The following SPATA31D3 variants were observed in gnomAD, a reference collection of about 807,000 sequenced individuals.
SPATA31D3 encodes SPATA31 subfamily D member 3, also known as spermatogenesis-associated protein 31D3.
For missense variants in SPATA31D3, 91 were observed against 297.9 expected (o/e 0.31, Z 5.11); for synonymous variants, 27 against 107.8 (o/e 0.25, Z 4.65).
Position 81,949,523 on chromosome 9 carries a change from T to A in SPATA31D3, c.*1516T>A. On this transcript the variant is annotated 3_prime_UTR_variant, in exon 4 of 4. Coordinates refer to ENST00000445385, the MANE Select transcript of SPATA31D3 (RefSeq NM_207416.3). ...ACTGGGACTATTGAAGCTCAGAAAA[T>A]TAGGAAAGACACTGGGGAGTTCATA... The A allele has an allele frequency of 1.8e-6, 1 of 559,328 alleles. No homozygotes were observed. The highest frequency in any genetic ancestry group is 2.8e-4 in the Middle Eastern group (1 of 3,520). 34.6% of individuals were successfully genotyped at this position (559,328 alleles called of 1,614,324 possible).
Position 81,949,477 on chromosome 9 carries a change from G to C in SPATA31D3, c.*1470G>C. ...ATCATCTGTGCAGAATAGAGGTCGA[G>C]TTAAAAGTAGAGCTGTCTTTACTGG... is the stretch of plus-strand genomic sequence containing the variant. On this transcript the variant is annotated 3_prime_UTR_variant, in exon 4 of 4. Coordinates refer to ENST00000445385, the MANE Select transcript of SPATA31D3 (RefSeq NM_207416.3). The C allele has an allele frequency of 2.0e-6, 1 of 490,592 alleles. No homozygotes were observed. Among genetic ancestry groups the C allele is most frequent in the Non-Finnish European group, 3.8e-6 (1 of 261,274 alleles). The allele number at this position is 490,592 out of a possible 1,614,324, so 30.4% of individuals were successfully genotyped here.
Position 81,949,752 on chromosome 9 carries a change from C to A in SPATA31D3, c.*1745C>A. 1.4e-6 allele frequency: 2 copies of A among 1,402,128 alleles called. No homozygotes were observed. The highest frequency in any genetic ancestry group is 2.3e-5 in the South Asian group (2 of 86,570). 86.9% of individuals were successfully genotyped at this position (1,402,128 alleles called of 1,614,324 possible). A position where few individuals can be genotyped will look rare whatever the true frequency, so the allele number is the denominator to read the frequency against. On this transcript the variant is annotated 3_prime_UTR_variant, in exon 4 of 4. Coordinates refer to ENST00000445385, the MANE Select transcript of SPATA31D3 (RefSeq NM_207416.3). ...CTTGCAGCCAACAAGCTATCTTTGT[C>A]GGCCAGAATTATCCTGCAATGATTA...
In SPATA31D3 at chr9:81,949,840, G is replaced by A; in HGVS notation, c.*1833G>A. 4.0e-6 allele frequency: 4 copies of A among 1,008,578 alleles called. No homozygotes were observed. The highest frequency in any genetic ancestry group is 2.9e-5 in the South Asian group (2 of 69,576). 62.5% of individuals were successfully genotyped at this position (1,008,578 alleles called of 1,614,324 possible). On this transcript the variant is annotated 3_prime_UTR_variant, in exon 4 of 4. Coordinates refer to ENST00000445385, the MANE Select transcript of SPATA31D3 (RefSeq NM_207416.3). ...TGGACATTTAAGGGGAAGATATTGT[G>A]TCAAAGGCATCCCCAATCCATGCCC...
rs1031354876 is a variant in SPATA31D3 at position 81,949,493 on chromosome 9, T to C, written c.*1486T>C. ...AGAGGTCGAGTTAAAAGTAGAGCTG[T>C]CTTTACTGGGACTATTGAAGCTCAG... On this transcript the variant is annotated 3_prime_UTR_variant, in exon 4 of 4. Coordinates refer to ENST00000445385, the MANE Select transcript of SPATA31D3 (RefSeq NM_207416.3). 7 of 521,082 alleles carry C rather than the reference T, an allele frequency of 1.3e-5. No homozygotes were observed. The highest frequency in any genetic ancestry group is 3.9e-5 in the African/African-American group (2 of 51,654). The allele number at this position is 521,082 out of a possible 1,614,324, so 32.3% of individuals were successfully genotyped here.
chr9:81,945,422 G>A (rs1424294157), intron 3 of SPATA31D3, 125 bp from the exon 4 acceptor site: 79 of 190,896 alleles, frequency 4.1e-4, no homozygotes, highest in Non-Finnish European at 7.0e-4. Flanking sequence ...AGAGGCTATA[G>A]TGAGGTCATA....
Position 81,947,994 on chromosome 9 carries a change from A to G in SPATA31D3, c.2741A>G (p.Asn914Ser), listed in dbSNP as rs1242669894. The change falls in exon 4 of 4, where the codon AAT becomes AGT. Residue 914 changes from asparagine (N) to serine (S), a missense_variant. By Grantham distance (46) the Asn-to-Ser change is conservative (BLOSUM62 1). Coordinates refer to ENST00000445385, the MANE Select transcript of SPATA31D3 (RefSeq NM_207416.3). ...TCTTTCCATATGAAGCCCATATTAA[A>G]TCTTTCCATATGAGGATGCTGTGGG... ...IKSFHMKPIL[N>S]LSI The G allele has an allele frequency of 3.2e-6, 5 of 1,571,668 alleles. No homozygotes were observed. The highest frequency in any genetic ancestry group is 4.3e-6 in the Non-Finnish European group (5 of 1,160,652).
At chr9:81,945,337 G>C in intron 3 of SPATA31D3, 105 bp downstream of exon 3, 1 of 389,732 alleles carries the variant, frequency 2.6e-6, no homozygotes, top group Non-Finnish European at 3.6e-6. Flanking sequence ...ATTCATTTCA[G>C]GGATTCCTTG....
rs1823999686 is a variant in SPATA31D3, at chr9:81,949,826, G to T, written c.*1819G>T. 2 of 1,120,128 alleles carry T rather than the reference G, an allele frequency of 1.8e-6. No homozygotes were observed. The highest frequency in any genetic ancestry group is 3.1e-5 in the African/African-American group (2 of 65,028). 69.4% of individuals were successfully genotyped at this position (1,120,128 alleles called of 1,614,324 possible). ...TAGCCCCAGGAAGTTGGACATTTAA[G>T]GGGAAGATATTGTGTCAAAGGCATC... On this transcript the variant is annotated 3_prime_UTR_variant, in exon 4 of 4. Transcript: ENST00000445385.
chr9:81,949,864 C>G lies in SPATA31D3; in HGVS notation c.*1857C>G. 6.9e-6 allele frequency: 6 copies of G among 866,624 alleles called. No individual in the cohort carries two copies. Among genetic ancestry groups the G allele is most frequent in the Non-Finnish European group, 1.1e-5 (6 of 537,008 alleles). The allele number at this position is 866,624 out of a possible 1,614,324, so 53.7% of individuals were successfully genotyped here. A position where few individuals can be genotyped will look rare whatever the true frequency, so the allele number is the denominator to read the frequency against. The stretch of plus-strand genomic sequence containing the variant: ...TGTCAAAGGCATCCCCAATCCATGC[C>G]CCACAGGAAGCCTGTGCCACAGCCA... On this transcript the variant is annotated 3_prime_UTR_variant, in exon 4 of 4. Transcript: ENST00000445385.
At position 81,949,744 on chromosome 9, in the gene SPATA31D3, A is replaced by G. The variant is rs1163559747; in HGVS notation, c.*1737A>G. The G allele has an allele frequency of 1.4e-6, 2 of 1,408,152 alleles. No homozygotes were observed. Among genetic ancestry groups the G allele is most frequent in the Admixed American group, 1.7e-5 (1 of 59,158 alleles). 87.2% of individuals were successfully genotyped at this position (1,408,152 alleles called of 1,614,324 possible). A position where few individuals can be genotyped will look rare whatever the true frequency, so the allele number is the denominator to read the frequency against. ...TACCAAATCTTGCAGCCAACAAGCT[A>G]TCTTTGTCGGCCAGAATTATCCTGC... is the stretch of plus-strand genomic sequence containing the variant. On this transcript the variant is annotated 3_prime_UTR_variant, in exon 4 of 4. Transcript: ENST00000445385.
chr9:81,949,707 C>T lies in SPATA31D3; in HGVS notation c.*1700C>T. On this transcript the variant is annotated 3_prime_UTR_variant, in exon 4 of 4. Transcript: ENST00000445385. The stretch of plus-strand genomic sequence containing the variant: ...CCTGCAACTACATGGCTCCCTCCTG[C>T]AAAGTGACATGTACCAAATCTTGCA... The T allele has an allele frequency of 1.4e-6, 2 of 1,406,302 alleles. No individual in the cohort carries two copies. Among genetic ancestry groups the T allele is most frequent in the East Asian group, 2.3e-5 (1 of 43,580 alleles). The allele number at this position is 1,406,302 out of a possible 1,614,324, so 87.1% of individuals were successfully genotyped here. A position where few individuals can be genotyped will look rare whatever the true frequency, so the allele number is the denominator to read the frequency against.
In SPATA31D3 at chr9:81,949,389, T is replaced by G. The variant is rs1823974200; in HGVS notation, c.*1382T>G. 1 of 359,288 alleles carries G rather than the reference T, an allele frequency of 2.8e-6. No homozygotes were observed. The highest frequency in any genetic ancestry group is 5.5e-6 in the Non-Finnish European group (1 of 181,586). 22.3% of individuals were successfully genotyped at this position (359,288 alleles called of 1,614,324 possible). ...TGATGAAGACCTTTTTGCAGCAGTCTAATAAACCCATCATAACATATGGAA... is the reference window on the plus strand; with the variant it reads ...TGATGAAGACCTTTTTGCAGCAGTCGAATAAACCCATCATAACATATGGAA... On this transcript the variant is annotated 3_prime_UTR_variant, in exon 4 of 4. Transcript: ENST00000445385.
Position 81,949,708 on chromosome 9 carries a change from A to G in SPATA31D3, c.*1701A>G. ...CTGCAACTACATGGCTCCCTCCTGC[A>G]AAGTGACATGTACCAAATCTTGCAG... On this transcript the variant is annotated 3_prime_UTR_variant, in exon 4 of 4. Coordinates refer to ENST00000445385, the MANE Select transcript of SPATA31D3 (RefSeq NM_207416.3). The G allele has an allele frequency of 7.1e-7, 1 of 1,407,120 alleles. No homozygotes were observed. The highest frequency in any genetic ancestry group is 1.2e-5 in the South Asian group (1 of 86,650). The allele number at this position is 1,407,120 out of a possible 1,614,324, so 87.2% of individuals were successfully genotyped here.
rs1217632603 is a variant in SPATA31D3 at position 81,949,437 on chromosome 9, G to A, written c.*1430G>A. ...GAAAACAAGAAAGTTCCTAGGAAAA[G>A]GGTAGCTCCTTGTCATCATCTGTGC... is the stretch of plus-strand genomic sequence containing the variant. On this transcript the variant is annotated 3_prime_UTR_variant, in exon 4 of 4. Coordinates refer to ENST00000445385, the MANE Select transcript of SPATA31D3 (RefSeq NM_207416.3). 5.9e-5 allele frequency: 23 copies of A among 390,080 alleles called. No individual in the cohort carries two copies. The highest frequency in any genetic ancestry group is 4.1e-5 in the African/African-American group (2 of 48,816). The allele number at this position is 390,080 out of a possible 1,614,324, so 24.2% of individuals were successfully genotyped here.
Position 81,949,726 on chromosome 9 carries a change from T to A in SPATA31D3, c.*1719T>A. On this transcript the variant is annotated 3_prime_UTR_variant, in exon 4 of 4. Coordinates refer to ENST00000445385, the MANE Select transcript of SPATA31D3 (RefSeq NM_207416.3). ...CTCCTGCAAAGTGACATGTACCAAA[T>A]CTTGCAGCCAACAAGCTATCTTTGT... The A allele has an allele frequency of 7.1e-7, 1 of 1,409,316 alleles. No homozygotes were observed. The highest frequency in any genetic ancestry group is 1.0e-6 in the Non-Finnish European group (1 of 998,766). The allele number at this position is 1,409,316 out of a possible 1,614,324, so 87.3% of individuals were successfully genotyped here. A position where few individuals can be genotyped will look rare whatever the true frequency, so the allele number is the denominator to read the frequency against.
chr9:81,948,273 G>A lies in SPATA31D3; in HGVS notation c.*266G>A. On this transcript the variant is annotated 3_prime_UTR_variant, in exon 4 of 4. Coordinates refer to ENST00000445385, the MANE Select transcript of SPATA31D3 (RefSeq NM_207416.3). ...TTGGCAAAGAAGGGCAGGGGACCCT[G>A]AGAAGACAATTTTCTGATACTGACC... 1.6e-6 allele frequency: 1 copy of A among 638,940 alleles called. No individual in the cohort carries two copies. The highest frequency in any genetic ancestry group is 1.9e-5 in the South Asian group (1 of 52,084). 39.6% of individuals were successfully genotyped at this position (638,940 alleles called of 1,614,324 possible).
chr9:81,948,103 C>G lies in SPATA31D3; in HGVS notation c.*96C>G, dbSNP rs1289114898. ...CAATTCCTTTTCCCATTTCTACCTTCCCTCCTCAGCCAGCTTTATTTCTCA... is the reference window on the plus strand; with the variant it reads ...CAATTCCTTTTCCCATTTCTACCTTGCCTCCTCAGCCAGCTTTATTTCTCA... On this transcript the variant is annotated 3_prime_UTR_variant, in exon 4 of 4. Coordinates refer to ENST00000445385, the MANE Select transcript of SPATA31D3 (RefSeq NM_207416.3). 2 of 1,428,970 alleles carry G rather than the reference C, an allele frequency of 1.4e-6. No homozygotes were observed. Among genetic ancestry groups the G allele is most frequent in the Non-Finnish European group, 1.9e-6 (2 of 1,059,974 alleles). 88.5% of individuals were successfully genotyped at this position (1,428,970 alleles called of 1,614,324 possible). A position where few individuals can be genotyped will look rare whatever the true frequency, so the allele number is the denominator to read the frequency against.
chr9:81,949,823 T>A lies in SPATA31D3; in HGVS notation c.*1816T>A. 8.8e-7 allele frequency: 1 copy of A among 1,132,454 alleles called. No homozygotes were observed. The highest frequency in any genetic ancestry group is 1.3e-6 in the Non-Finnish European group (1 of 756,606). The allele number at this position is 1,132,454 out of a possible 1,614,324, so 70.2% of individuals were successfully genotyped here. ...AGATAGCCCCAGGAAGTTGGACATT[T>A]AAGGGGAAGATATTGTGTCAAAGGC... On this transcript the variant is annotated 3_prime_UTR_variant, in exon 4 of 4. Coordinates refer to ENST00000445385, the MANE Select transcript of SPATA31D3 (RefSeq NM_207416.3).
rs932511718 is a variant in SPATA31D3 at position 81,949,599 on chromosome 9, G to A, written c.*1592G>A. On this transcript the variant is annotated 3_prime_UTR_variant, in exon 4 of 4. Coordinates refer to ENST00000445385, the MANE Select transcript of SPATA31D3 (RefSeq NM_207416.3). ...GAATAGATATCACCTGTCCCCAGGA[G>A]CCCCTTTCCTCCCCAGTGCAGCTTG... 8.9e-6 allele frequency: 6 copies of A among 673,556 alleles called. No individual in the cohort carries two copies. Among genetic ancestry groups the A allele is most frequent in the Admixed American group, 6.4e-5 (3 of 46,628 alleles). The allele number at this position is 673,556 out of a possible 1,614,324, so 41.7% of individuals were successfully genotyped here. A position where few individuals can be genotyped will look rare whatever the true frequency, so the allele number is the denominator to read the frequency against.
Sources: allele counts gnomAD v4.1 joint callset, GRCh38; gene constraint gnomAD v4.1.1; transcripts MANE v1.5; gene names NCBI Gene and HGNC (gene_info 2026-07-23, HGNC 2026-07-21).